WBP2NL: variants seen among roughly 807,000 people sequenced by gnomAD.
WBP2NL encodes postacrosomal sheath WW domain-binding protein.
Under a neutral mutation model 23.3 loss-of-function variants are expected in WBP2NL, and 27 were observed. The ratio of observed to expected loss-of-function variants is 1.16; its 90% CI spans 0.85 to 1.60. The LOEUF (loss-of-function observed/expected upper bound fraction) is 1.60, where lower values mean the gene tolerates loss of function less well. Ranked by LOEUF, WBP2NL falls within the 40% of genes most tolerant of loss-of-function variation. The pLI is 0.00. For synonymous variants in WBP2NL, 151 were observed against 145.9 expected, an observed-to-expected ratio of 1.03 and a Z score of -0.25; for missense variants, 370 against 389.5, an observed-to-expected ratio of 0.95 and a Z score of 0.42.
chr22:42,036,420 C>T (rs549060233), downstream of WBP2NL, among the ~76,000 whole-genome samples: 8 of 152,248 alleles, frequency 5.3e-5, no homozygotes, highest in East Asian at 5.8e-4. Flanking sequence ...GTGATCTCCC[C>T]GCCTCGGCCT....
At chr22:42,020,982 C>T (rs1353146764) in intron 4 of WBP2NL, among the ~76,000 whole-genome samples, 5 of 120,658 alleles carry the variant, frequency 4.1e-5, no homozygotes, top group Non-Finnish European at 8.0e-5. Flanking sequence ...TGCAATCATG[C>T]AATCTTGGCT....
intron 4 of WBP2NL, among the ~76,000 whole-genome samples, chr22:42,020,864 GTGTGT>G (rs1923839873): frequency 2.9e-5 from 1 of 35,038 alleles, no homozygotes. Flanking sequence ...GTGTGTGTGT[GTGTGT>G]ATATATATAT....
chr22:42,009,711 T>C (rs1182511491), intron 1 of WBP2NL, among the ~76,000 whole-genome samples: 1 of 152,254 alleles, frequency 6.6e-6, no homozygotes, highest in Non-Finnish European at 1.5e-5. Context: ...TTTTGGTTAC[T>C]GTAGCTTTGT....
intron 1 of WBP2NL, among the ~76,000 whole-genome samples, chr22:42,010,440 G>A (rs1324520997): frequency 6.6e-6 from 1 of 152,164 alleles, no homozygotes; most frequent in East Asian, 1.9e-4. Flanking sequence ...TTAGCTGCAG[G>A]CTTTTCATAT....
At chr22:42,022,425 TTGCAGGCTTGCTCCC>T in intron 5 of WBP2NL, 69 bp downstream of exon 5, 1 of 1,350,010 alleles carries the variant, frequency 7.4e-7, no homozygotes, top group Non-Finnish European at 1.0e-6. Context: ...GATCTATCCC[TTGCAGGCTTGCTCCC>T]TGCAGGAGCA....
intron 1 of WBP2NL, among the ~76,000 whole-genome samples, chr22:42,017,187 G>T (rs1690700685): frequency 6.6e-6 from 1 of 152,078 alleles, no homozygotes; most frequent in South Asian, 2.1e-4. Flanking sequence ...GAGTGCAGTG[G>T]ATCACTGCAA....
At chr22:42,017,317 G>A (rs187529033) in intron 1 of WBP2NL, among the ~76,000 whole-genome samples, 32 of 152,272 alleles carry the variant, frequency 2.1e-4, no homozygotes, top group African/African-American at 7.7e-4. Flanking sequence ...GTTTCACCAT[G>A]TTGGTCAAGC....
chr22:42,020,868 G>A (rs5758551), intron 4 of WBP2NL, among the ~76,000 whole-genome samples: 1,057 of 15,040 alleles, frequency 0.07, 26 homozygotes, highest in Non-Finnish European at 0.082. Flanking sequence ...GTGTGTGTGT[G>A]TATATATATA....
At chr22:42,048,995 G>A (rs149447117) in intron 8 of WBP2NL, among the ~76,000 whole-genome samples, 7 of 152,102 alleles carry the variant, frequency 4.6e-5, no homozygotes, top group African/African-American at 1.7e-4. Context: ...AGTAAGATAA[G>A]GAAAGGAAAT....
chr22:42,035,477 C>T (rs113160280), downstream of WBP2NL, among the ~76,000 whole-genome samples: 366 of 152,378 alleles, frequency 2.4e-3, no homozygotes, highest in African/African-American at 7.1e-3. Context: ...GGGCGGGTCT[C>T]GCGCTTGTCC....
chr22:42,017,857 CA>C (rs1350825483), intron 1 of WBP2NL, among the ~76,000 whole-genome samples: 3 of 151,446 alleles, frequency 2.0e-5, no homozygotes, highest in African/African-American at 7.3e-5. Context: ...ACTAAAAATA[CA>C]AAAAAATTGG....
chr22:42,039,107 C>A (rs997037073), intron 8 of WBP2NL, among the ~76,000 whole-genome samples: 7 of 150,160 alleles, frequency 4.7e-5, no homozygotes, highest in African/African-American at 1.7e-4. Context: ...AGTCTCACCC[C>A]GTTGCCCAGG....
At chr22:42,038,276 A>G (rs564030566) in intron 8 of WBP2NL, among the ~76,000 whole-genome samples, 1 of 152,134 alleles carries the variant, frequency 6.6e-6, no homozygotes, top group Non-Finnish European at 1.5e-5. Context: ...GATTTACTAC[A>G]TTGGTTGATT....
intron 1 of WBP2NL, chr22:42,001,221 T>C: frequency 1.4e-6 from 1 of 709,974 alleles, no homozygotes; most frequent in Non-Finnish European, 2.6e-6. Flanking sequence ...GTGTACATGA[T>C]GTCAGTTCCT....
chr22:42,000,751 ACCCC>A (rs1370475941), intron 1 of WBP2NL, among the ~76,000 whole-genome samples: 3 of 136,842 alleles, frequency 2.2e-5, no homozygotes, highest in African/African-American at 8.3e-5. Flanking sequence ...ATATGTTGAA[ACCCC>A]ATCTCTACTA....
rs56318914 is a variant in WBP2NL, at chr22:42,000,772, CA to C, written c.62+1906del. 2.6e-3 allele frequency among the ~76,000 whole-genome samples: 344 copies of C among 133,236 alleles called. 1 individual carries two copies. Among genetic ancestry groups the C allele is most frequent in the African/African-American group, 7.6e-3 (275 of 35,948 alleles). 87.4% of individuals were successfully genotyped at this position (133,236 alleles called of 152,430 possible). ...TGAAACCCCATCTCTACTAAAAATA[CA>C]AAAAAAAAAAAAACAGCCGGGAGTG... On this transcript the variant is annotated intron_variant, in intron 1 of 5. Coordinates refer to ENST00000328823, the MANE Select transcript of WBP2NL (RefSeq NM_152613.3).
At position 42,001,995 on chromosome 22, in the gene WBP2NL, A is replaced by G. The variant is rs534796271; in HGVS notation, c.62+3115A>G. 3.4e-5 allele frequency: 32 copies of G among 940,462 alleles called. No individual in the cohort carries two copies. The African/African-American group carries it at 5.1e-4, about 15-fold the overall frequency. 58.3% of individuals were successfully genotyped at this position (940,462 alleles called of 1,614,324 possible). A position where few individuals can be genotyped will look rare whatever the true frequency, so the allele number is the denominator to read the frequency against. On this transcript the variant is annotated intron_variant, in intron 1 of 5. Coordinates refer to ENST00000328823, the MANE Select transcript of WBP2NL (RefSeq NM_152613.3). ...GAAAGAGGAGGCAGGCTGCTGTGGG[A>G]TGGGACTGGTCCGAGAATCGGCTTT...
Position 42,022,294 on chromosome 22 carries a change from C to G in WBP2NL, c.452C>G (p.Ser151Cys). 1.2e-6 allele frequency: 2 copies of G among 1,614,132 alleles called. No homozygotes were observed. Among genetic ancestry groups the G allele is most frequent in the Admixed American group, 3.3e-5 (2 of 60,006 alleles). The change falls in exon 5 of 6, where the codon TCT (serine) becomes TGT (cysteine). Residue 151 changes from serine to cysteine, a missense_variant. Coordinates refer to ENST00000328823, the MANE Select transcript of WBP2NL (RefSeq NM_152613.3). ...PLRTLNDWFS[S>C]MGIYVITGEG... ...AGAACCTTAAATGACTGGTTCAGCTCTATGGGAATTTATGTAATTACTGGG... is the reference window on the plus strand; with the variant it reads ...AGAACCTTAAATGACTGGTTCAGCTGTATGGGAATTTATGTAATTACTGGG...
Position 42,019,338 on chromosome 22 carries a change from G to C in WBP2NL, c.90G>C (p.Glu30Asp). 6.2e-7 allele frequency: 1 copy of C among 1,614,100 alleles called. No homozygotes were observed. The highest frequency in any genetic ancestry group is 8.5e-7 in the Non-Finnish European group (1 of 1,180,024). The change falls in exon 2 of 6, where the codon GAG becomes GAC. Residue 30 changes from glutamate to aspartate, a missense_variant. By Grantham distance (45) the Glu-to-Asp change is conservative. Coordinates refer to ENST00000328823, the MANE Select transcript of WBP2NL (RefSeq NM_152613.3). ...ESLLKRSPNV[E>D]LSFPQRSEGS... ...TCTTGAAGCGGTCTCCGAATGTGGA[G>C]CTCTCCTTCCCACAGCGATCAGAAG...
Sources: gnomAD v4.1 joint callset for allele counts (sites outside exome capture counted in the v4.1 genomes callset) on GRCh38, gnomAD v4.1.1 for gene constraint, MANE v1.5 for transcripts, NCBI Gene and HGNC (gene_info 2026-07-23, HGNC 2026-07-21) for gene names.